PPM1H: variants seen among roughly 807,000 people sequenced by gnomAD.
The protein encoded by PPM1H is protein phosphatase, Mg2+/Mn2+ dependent 1H, also known as protein phosphatase 1H.
In PPM1H, 27 loss-of-function variants were observed where a neutral mutation model predicts 54.9. The observed-to-expected ratio is 0.49, with a 90% confidence interval of 0.36 to 0.68. PPM1H has a LOEUF of 0.68. Among genes scored for constraint, PPM1H ranks in the 30% least tolerant of loss-of-function variants. The pLI is 0.00. For synonymous variants in PPM1H, 305 were observed against 270.8 expected (o/e 1.13, Z -1.24); for missense variants, 596 against 667.8 (o/e 0.89, Z 1.19).
At chr12:62,760,676 C>T (rs988949887) in intron 4 of PPM1H, among the ~76,000 whole-genome samples, 3 of 152,218 alleles carry the variant, frequency 2.0e-5, no homozygotes, top group Non-Finnish European at 4.4e-5. Context: ...TCTTTCTCAT[C>T]AGACCCCACT....
At chr12:62,790,486 C>T (rs2076696162) in intron 3 of PPM1H, among the ~76,000 whole-genome samples, 1 of 152,190 alleles carries the variant, frequency 6.6e-6, no homozygotes, top group Non-Finnish European at 1.5e-5. Context: ...GACAGAGGAT[C>T]TCTTGAGCCC....
At chr12:62,808,099 T>A (rs1364944014) in intron 2 of PPM1H, among the ~76,000 whole-genome samples, 2 of 152,232 alleles carry the variant, frequency 1.3e-5, no homozygotes, top group African/African-American at 4.8e-5. Context: ...CCAAAAGTGC[T>A]GGGATTACAG....
intron 4 of PPM1H, among the ~76,000 whole-genome samples, chr12:62,757,724 A>G (rs150053377): frequency 6.6e-6 from 1 of 152,334 alleles, no homozygotes; most frequent in East Asian, 1.9e-4. Flanking sequence ...AAGCAGCTCT[A>G]TCATTTAAGA....
At chr12:62,664,546 T>C (rs1307378255) in intron 9 of PPM1H, among the ~76,000 whole-genome samples, 1 of 152,242 alleles carries the variant, frequency 6.6e-6, no homozygotes, top group Non-Finnish European at 1.5e-5. Flanking sequence ...AAGCATAGCA[T>C]GTGAGCTAAC....
intron 4 of PPM1H, among the ~76,000 whole-genome samples, chr12:62,768,522 G>T (rs902999911): frequency 1.3e-5 from 2 of 152,088 alleles, no homozygotes; most frequent in Non-Finnish European, 2.9e-5. Flanking sequence ...AGGCATGGTG[G>T]CGGGCGCCTG....
chr12:62,714,211 G>A (rs1391964920), intron 6 of PPM1H, among the ~76,000 whole-genome samples: 1 of 152,018 alleles, frequency 6.6e-6, no homozygotes, highest in East Asian at 1.9e-4. Context: ...GGGCAACTCG[G>A]GAAATAAATT....
intron 9 of PPM1H, among the ~76,000 whole-genome samples, chr12:62,666,243 A>G (rs182758058): frequency 6.6e-6 from 1 of 152,228 alleles, no homozygotes; most frequent in African/African-American, 2.4e-5. Flanking sequence ...ATGCCCAGCT[A>G]AAAATATTTA....
chr12:62,900,553 T>TAAC (rs1871138253), intron 1 of PPM1H, among the ~76,000 whole-genome samples: 1 of 122,856 alleles, frequency 8.1e-6, no homozygotes, highest in South Asian at 2.5e-4. Context: ...ATAATAATAA[T>TAAC]AAAGAAAGAA....
chr12:62,658,986 C>A, intron 9 of PPM1H: 1 of 720,076 alleles, frequency 1.4e-6, no homozygotes, highest in Non-Finnish European at 2.6e-6. Flanking sequence ...ATCTTGATGC[C>A]CAACATTGGT....
At chr12:62,907,854 G>C (rs748735752) in intron 1 of PPM1H, among the ~76,000 whole-genome samples, 22 of 152,164 alleles carry the variant, frequency 1.4e-4, no homozygotes, top group Non-Finnish European at 2.8e-4. Context: ...GACAGAAAGA[G>C]TACCCTTCTC....
intron 2 of PPM1H, among the ~76,000 whole-genome samples, chr12:62,816,358 GA>G (rs1263212204): frequency 5.3e-5 from 8 of 152,292 alleles, no homozygotes; most frequent in Non-Finnish European, 1.0e-4. Flanking sequence ...CAAAACTTTT[GA>G]GCACGGACGT....
At chr12:62,650,243 C>A (rs1365132935) in intron 9 of PPM1H, among the ~76,000 whole-genome samples, 2 of 152,194 alleles carry the variant, frequency 1.3e-5, no homozygotes, top group Non-Finnish European at 2.9e-5. Flanking sequence ...AGATAGCAGA[C>A]AGAAGTGTAA....
At chr12:62,857,293 T>G (rs1297711225) in intron 1 of PPM1H, among the ~76,000 whole-genome samples, 1 of 152,182 alleles carries the variant, frequency 6.6e-6, no homozygotes, top group Non-Finnish European at 1.5e-5. Context: ...ATATGTAACA[T>G]GAACTCAAAC....
chr12:62,843,320 AAAACAAAC>A (rs144304577), intron 1 of PPM1H, among the ~76,000 whole-genome samples: 1 of 152,118 alleles, frequency 6.6e-6, no homozygotes, highest in African/African-American at 2.4e-5. Flanking sequence ...CTGTCTCAAA[AAAACAAAC>A]AAACAAACAA....
intron 2 of PPM1H, among the ~76,000 whole-genome samples, chr12:62,818,109 A>G (rs2076881538): frequency 6.6e-6 from 1 of 152,182 alleles, no homozygotes; most frequent in South Asian, 2.1e-4. Flanking sequence ...GGGCAAAAAA[A>G]TTTCCTGGTT....
intron 6 of PPM1H, among the ~76,000 whole-genome samples, chr12:62,707,244 G>C (rs1291220976): frequency 6.6e-6 from 1 of 152,074 alleles, no homozygotes; most frequent in Non-Finnish European, 1.5e-5. Context: ...GCACAAAAAG[G>C]AAAAAGAGGA....
At chr12:62,802,484 A>T (rs1028117884) in intron 2 of PPM1H, among the ~76,000 whole-genome samples, 3 of 152,072 alleles carry the variant, frequency 2.0e-5, no homozygotes, top group Non-Finnish European at 4.4e-5. Context: ...CTCTAATTTG[A>T]AGTGTAGGTG....
chr12:62,712,816 G>A (rs1323554406), intron 6 of PPM1H, among the ~76,000 whole-genome samples: 2 of 152,182 alleles, frequency 1.3e-5, no homozygotes, highest in Non-Finnish European at 2.9e-5. Context: ...AAAAGCTAAT[G>A]AGGAGTGTCA....
At chr12:62,717,114 T>C (rs943570160) in intron 6 of PPM1H, among the ~76,000 whole-genome samples, 1 of 152,188 alleles carries the variant, frequency 6.6e-6, no homozygotes, top group Non-Finnish European at 1.5e-5. Context: ...GCTGGGATTA[T>C]AGGTATGAGC....
Sources: gnomAD v4.1 joint callset for allele counts (sites outside exome capture counted in the v4.1 genomes callset) on GRCh38, gnomAD v4.1.1 for gene constraint, MANE v1.5 for transcripts, NCBI Gene and HGNC (gene_info 2026-07-23, HGNC 2026-07-21) for gene names.